The following CHRM3 variants were observed in gnomAD, a reference collection of about 807,000 sequenced individuals.
CHRM3 encodes the protein muscarinic acetylcholine receptor M3.
CHRM3 carries 11 observed loss-of-function variants against 41.8 expected under a neutral mutation model. That is an observed-to-expected ratio of 0.26 (90% CI 0.17 to 0.44). CHRM3 has a LOEUF of 0.44. CHRM3 is among the 20% of genes least tolerant of loss of function. The pLI is 1.00. For missense variants in CHRM3, 571 were observed against 745.4 expected, an observed-to-expected ratio of 0.77 and a Z score of 2.72; for synonymous variants, 297 against 301.4, an observed-to-expected ratio of 0.99 and a Z score of 0.15.
chr1:239,531,356 A>G (rs1427371217), intron 2 of CHRM3, among the ~76,000 whole-genome samples: 2 of 152,156 alleles, frequency 1.3e-5, no homozygotes, highest in East Asian at 3.8e-4. Flanking sequence ...CTCTTAAAAT[A>G]TGGCCAGGAA....
intron 1 of CHRM3, among the ~76,000 whole-genome samples, chr1:239,426,798 A>G (rs1662426071): frequency 6.6e-6 from 1 of 152,208 alleles, no homozygotes; most frequent in South Asian, 2.1e-4. Flanking sequence ...ATGGATTCTG[A>G]ACTGAAGTAC....
At chr1:239,634,373 A>AAATGAAAG (rs1228999169) in intron 4 of CHRM3, among the ~76,000 whole-genome samples, 1 of 87,034 alleles carries the variant, frequency 1.1e-5, no homozygotes, top group East Asian at 8.1e-4. Flanking sequence ...AAGCAAGAAC[A>AAATGAAAG]AACGAAAGAA....
chr1:239,843,833 G>T (rs1400016310), intron 6 of CHRM3, among the ~76,000 whole-genome samples: 1 of 151,928 alleles, frequency 6.6e-6, no homozygotes. Flanking sequence ...GAGATTGTTT[G>T]CCAAGTATTC....
At chr1:239,686,639 G>A (rs1659176550) in intron 5 of CHRM3, among the ~76,000 whole-genome samples, 1 of 152,162 alleles carries the variant, frequency 6.6e-6, no homozygotes, top group Non-Finnish European at 1.5e-5. Flanking sequence ...CTTGAGGACT[G>A]GAATCCTCAC....
At chr1:239,390,203 G>A (rs2102908730) in intron 1 of CHRM3, among the ~76,000 whole-genome samples, 1 of 152,262 alleles carries the variant, frequency 6.6e-6, no homozygotes, top group East Asian at 1.9e-4. Context: ...ACTTTTAAAA[G>A]TTAATCAGCA....
At chr1:239,760,457 G>A (rs913913878) in intron 5 of CHRM3, among the ~76,000 whole-genome samples, 1 of 151,956 alleles carries the variant, frequency 6.6e-6, no homozygotes, top group Non-Finnish European at 1.5e-5. Context: ...CTTTTCACCT[G>A]ATGACCAACC....
chr1:239,683,681 A>G (rs955074698), intron 5 of CHRM3, among the ~76,000 whole-genome samples: 2 of 152,230 alleles, frequency 1.3e-5, no homozygotes, highest in Non-Finnish European at 2.9e-5. Flanking sequence ...TGCAAACTCT[A>G]GTCTGGTATA....
chr1:239,724,708 C>T (rs1004411349), intron 5 of CHRM3, among the ~76,000 whole-genome samples: 1 of 151,862 alleles, frequency 6.6e-6, no homozygotes, highest in Non-Finnish European at 1.5e-5. Flanking sequence ...AAGAGAGCTC[C>T]TTCATCTTCC....
intron 1 of CHRM3, among the ~76,000 whole-genome samples, chr1:239,391,578 G>A (rs1243513290): frequency 6.6e-6 from 1 of 152,126 alleles, no homozygotes; most frequent in Non-Finnish European, 1.5e-5. Context: ...TGAAGGCCAA[G>A]GACTCTGGCT....
At chr1:239,855,072 A>G (rs1358600908) in intron 6 of CHRM3, among the ~76,000 whole-genome samples, 1 of 152,150 alleles carries the variant, frequency 6.6e-6, no homozygotes, top group Non-Finnish European at 1.5e-5. Context: ...AAATTGAAAT[A>G]GGTTTTATTG....
rs374915585 is a variant in CHRM3 at position 239,582,693 on chromosome 1, G to A, written c.-313+36944G>A. ...CTCTTCAATACCATCCTCATCCATG[G>A]CATCATCTTCTCTTTCCTGGGTTAC... On this transcript the variant is annotated intron_variant, in intron 3 of 6. Coordinates refer to ENST00000676153, the MANE Select transcript of CHRM3 (RefSeq NM_001375978.1). Among the ~76,000 whole-genome samples the A allele has an allele frequency of 2.0e-5, 3 of 152,042 alleles. No individual in the cohort carries two copies. In the East Asian group the frequency reaches 5.8e-4, roughly 30 times the overall value.
At chr1:239,462,057 A>G (rs889837317) in intron 1 of CHRM3, among the ~76,000 whole-genome samples, 1 of 152,188 alleles carries the variant, frequency 6.6e-6, no homozygotes, top group Non-Finnish European at 1.5e-5. Context: ...TCTTTAATTT[A>G]CTCATGGGCT....
At chr1:239,620,938 G>T (rs1413924258) in intron 3 of CHRM3, among the ~76,000 whole-genome samples, 1 of 152,088 alleles carries the variant, frequency 6.6e-6, no homozygotes, top group Non-Finnish European at 1.5e-5. Flanking sequence ...TTATTTTATT[G>T]TGCTTCAGTT....
chr1:239,425,770 T>C (rs1414245985), intron 1 of CHRM3, among the ~76,000 whole-genome samples: 2 of 152,172 alleles, frequency 1.3e-5, no homozygotes, highest in Non-Finnish European at 2.9e-5. Flanking sequence ...TTATTATTAC[T>C]AGTTTTGATA....
intron 1 of CHRM3, among the ~76,000 whole-genome samples, chr1:239,388,119 G>T (rs1035149801): frequency 2.0e-4 from 30 of 152,150 alleles, no homozygotes; most frequent in African/African-American, 7.0e-4. Flanking sequence ...GGTAGAGGCA[G>T]CAGGGATTTG....
chr1:239,890,697 T>A (rs10802814), intron 6 of CHRM3, among the ~76,000 whole-genome samples: 53,247 of 152,018 alleles, frequency 0.35, 9,297 homozygotes, highest in Admixed American at 0.38. Flanking sequence ...ATGTTGTATA[T>A]GCTATGTACA....
chr1:239,497,012 C>T (rs1453098525), intron 2 of CHRM3, among the ~76,000 whole-genome samples: 2 of 151,930 alleles, frequency 1.3e-5, no homozygotes, highest in Admixed American at 6.6e-5. Flanking sequence ...ATTGATATTC[C>T]CAAGTAGGAT....
chr1:239,744,797 C>T (rs1665201759), intron 5 of CHRM3, among the ~76,000 whole-genome samples: 2 of 152,068 alleles, frequency 1.3e-5, no homozygotes, highest in South Asian at 2.1e-4. Context: ...GTCATTGGTC[C>T]CTACTGAGTG....
At chr1:239,712,508 T>C (rs1661909495) in intron 5 of CHRM3, among the ~76,000 whole-genome samples, 1 of 152,210 alleles carries the variant, frequency 6.6e-6, no homozygotes, top group Non-Finnish European at 1.5e-5. Flanking sequence ...TTGGAATGAA[T>C]GAAAGAACAG....
Sources: gnomAD v4.1 joint callset for allele counts (sites outside exome capture counted in the v4.1 genomes callset) on GRCh38, gnomAD v4.1.1 for gene constraint, MANE v1.5 for transcripts, NCBI Gene and HGNC (gene_info 2026-07-23, HGNC 2026-07-21) for gene names.